Variants in PDE8A observed in about 807,000 individuals in gnomAD.
The protein encoded by PDE8A is high affinity cAMP-specific and IBMX-insensitive 3',5'-cyclic phosphodiesterase 8A.
Under a neutral mutation model 105.0 loss-of-function variants are expected in PDE8A, and 59 were observed. The ratio of observed to expected loss-of-function variants is 0.56; its 90% CI spans 0.46 to 0.70. The LOEUF (loss-of-function observed/expected upper bound fraction) is 0.70. Ranked by LOEUF, PDE8A falls within the 30% of genes least tolerant of loss-of-function variation. The pLI, the probability that PDE8A is intolerant of heterozygous loss-of-function variation, is 0.00. For synonymous variants in PDE8A, 355 were observed against 371.9 expected, an observed-to-expected ratio of 0.95 and a Z score of 0.52; for missense variants, 1,014 against 1,045.9, an observed-to-expected ratio of 0.97 and a Z score of 0.42.
At chr15:85,006,634 TTTC>T (rs2080152473) in intron 1 of PDE8A, among the ~76,000 whole-genome samples, 1 of 152,262 alleles carries the variant, frequency 6.6e-6, no homozygotes, top group African/African-American at 2.4e-5. Context: ...AAATAGAGTT[TTTC>T]TTCTTGTGTA....
chr15:85,051,700 G>A (rs895681232), intron 1 of PDE8A, among the ~76,000 whole-genome samples: 5 of 152,108 alleles, frequency 3.3e-5, no homozygotes, highest in Admixed American at 6.6e-5. Context: ...CTCCTGCTTA[G>A]AGAACACACA....
chr15:85,021,516 C>T (rs1282619267), intron 1 of PDE8A, among the ~76,000 whole-genome samples: 1 of 152,012 alleles, frequency 6.6e-6, no homozygotes, highest in Non-Finnish European at 1.5e-5. Flanking sequence ...TATGATCGTG[C>T]CACTGCACTC....
chr15:84,993,286 A>AC (rs1278800861), intron 1 of PDE8A, among the ~76,000 whole-genome samples: 1 of 151,942 alleles, frequency 6.6e-6, no homozygotes, highest in Non-Finnish European at 1.5e-5. Flanking sequence ...TTCTAAAAAT[A>AC]CAAAAAATTA....
chr15:85,074,784 T>G (rs1462966952), intron 3 of PDE8A, among the ~76,000 whole-genome samples: 1 of 152,242 alleles, frequency 6.6e-6, no homozygotes, highest in African/African-American at 2.4e-5. Context: ...AATTATTTTC[T>G]GGATTTTGTG....
chr15:84,984,100 T>G (rs923655999), intron 1 of PDE8A, among the ~76,000 whole-genome samples: 1 of 152,354 alleles, frequency 6.6e-6, no homozygotes, highest in East Asian at 1.9e-4. Context: ...GTTAACTGAT[T>G]GATGAAACTT....
At chr15:85,093,515 A>T (rs899774362) in intron 8 of PDE8A, among the ~76,000 whole-genome samples, 1 of 152,212 alleles carries the variant, frequency 6.6e-6, no homozygotes, top group Non-Finnish European at 1.5e-5. Context: ...CCAGATGGCT[A>T]GGAGTTGGGA....
intron 5 of PDE8A, among the ~76,000 whole-genome samples, chr15:85,077,107 T>A (rs1469528449): frequency 6.6e-6 from 1 of 152,246 alleles, no homozygotes; most frequent in Non-Finnish European, 1.5e-5. Flanking sequence ...TCATAGTCTC[T>A]CAAAACTATG....
intron 17 of PDE8A, chr15:85,120,371 T>C (rs1414962592): frequency 1.3e-5 from 2 of 152,618 alleles, no homozygotes; most frequent in Non-Finnish European, 2.9e-5. Flanking sequence ...CTGACAAAGA[T>C]AGCACTAAAA....
intron 1 of PDE8A, among the ~76,000 whole-genome samples, chr15:85,046,796 G>C (rs1406328579): frequency 6.6e-6 from 1 of 152,118 alleles, no homozygotes; most frequent in Non-Finnish European, 1.5e-5. Context: ...ATCAAGATTT[G>C]TAACATAATA....
chr15:85,100,725 G>C lies in PDE8A; in HGVS notation c.1036+527G>C, dbSNP rs145126053. Reference sequence around the variant, plus strand: ...TTCCTTCAAACGTGTCATGACTTCAGCAAGCCACTTCCTGTTCTGGCCCTC... The same window carrying C: ...TTCCTTCAAACGTGTCATGACTTCACCAAGCCACTTCCTGTTCTGGCCCTC... On this transcript the variant is annotated intron_variant, in intron 11 of 21. Transcript: ENST00000394553. Among the ~76,000 whole-genome samples the C allele has an allele frequency of 3.6e-3, 552 of 152,300 alleles. 8 individuals are homozygous for C. Among genetic ancestry groups the C allele is most frequent in the African/African-American group, 0.013 (521 of 41,580 alleles).
At chr15:85,117,139 C>A (rs531955275) in intron 16 of PDE8A, among the ~76,000 whole-genome samples, 12 of 152,294 alleles carry the variant, frequency 7.9e-5, no homozygotes, top group African/African-American at 2.9e-4. Context: ...ACGCCCACCT[C>A]CAGAAAGGTG....
At position 85,092,908 on chromosome 15, in the gene PDE8A, T is replaced by C. The variant is rs1470120179; in HGVS notation, c.852+1727T>C. Among the ~76,000 whole-genome samples, 8 of 132,888 alleles carry C rather than the reference T, an allele frequency of 6.0e-5. No individual in the cohort carries two copies. The Admixed American group carries it at 7.0e-4, about 12-fold the overall frequency. The allele number at this position is 132,888 out of a possible 152,430, so 87.2% of individuals were successfully genotyped here. ...GAAACATCATCAAATTATTGACCCC[T>C]ATACTGCTTTCCTTTTTTTTTTTTT... On this transcript the variant is annotated intron_variant, in intron 8 of 21. Transcript: ENST00000394553.
At chr15:85,065,550 C>A (rs1680859587) in intron 2 of PDE8A, among the ~76,000 whole-genome samples, 1 of 151,016 alleles carries the variant, frequency 6.6e-6, no homozygotes, top group African/African-American at 2.4e-5. Context: ...CGCACATGAA[C>A]ATGTTTCATT....
At chr15:85,071,590 G>A (rs1166509236) in intron 3 of PDE8A, among the ~76,000 whole-genome samples, 3 of 152,202 alleles carry the variant, frequency 2.0e-5, no homozygotes, top group Non-Finnish European at 4.4e-5. Context: ...CAGGAGCCCC[G>A]CTCTGCAGCA....
At position 85,054,117 on chromosome 15, in the gene PDE8A, C is replaced by T. The variant is rs55720132; in HGVS notation, c.187-10253C>T. 4.9e-3 allele frequency among the ~76,000 whole-genome samples: 740 copies of T among 152,186 alleles called. 3 individuals carry two copies. The highest frequency in any genetic ancestry group is 0.016 in the African/African-American group (672 of 41,520). ...TTGGTTCTGTTTATATGCTGGATTA[C>T]GTTTATTGGTTTTTGTATGTTGAAC... On this transcript the variant is annotated intron_variant, in intron 1 of 21. Transcript: ENST00000394553.
Position 85,138,026 on chromosome 15 carries a change from T to C in PDE8A, c.*123T>C. 1 of 618,978 alleles carries C rather than the reference T, an allele frequency of 1.6e-6. No individual in the cohort carries two copies. The highest frequency in any genetic ancestry group is 2.8e-5 in the East Asian group (1 of 35,980). The allele number at this position is 618,978 out of a possible 1,614,324, so 38.3% of individuals were successfully genotyped here. On this transcript the variant is annotated 3_prime_UTR_variant, in exon 22 of 22. Coordinates refer to ENST00000394553, the MANE Select transcript of PDE8A (RefSeq NM_002605.3). ...AACAGCCCCCGATCTGCATAGCCTG[T>C]GAAAGCCCACGGGGACATCAGTAAC...
chr15:85,131,851 T>C (rs2082334538), intron 20 of PDE8A, among the ~76,000 whole-genome samples: 3 of 152,194 alleles, frequency 2.0e-5, no homozygotes, highest in Admixed American at 1.3e-4. Context: ...TGCAGGACAG[T>C]TTGCCTGAAT....
At chr15:85,091,843 A>G (rs966020305) in intron 8 of PDE8A, among the ~76,000 whole-genome samples, 10 of 149,124 alleles carry the variant, frequency 6.7e-5, no homozygotes, top group African/African-American at 2.5e-4. Context: ...ATTTTAAAAT[A>G]TGATGAGAAG....
intron 1 of PDE8A, among the ~76,000 whole-genome samples, chr15:85,043,791 G>T (rs928168844): frequency 6.6e-6 from 1 of 151,910 alleles, no homozygotes; most frequent in Non-Finnish European, 1.5e-5. Flanking sequence ...TCTGCCTCCC[G>T]GGTTCAGGTG....
Sources: gnomAD v4.1 joint callset for allele counts (sites outside exome capture counted in the v4.1 genomes callset) on GRCh38, gnomAD v4.1.1 for gene constraint, MANE v1.5 for transcripts, NCBI Gene and HGNC (gene_info 2026-07-23, HGNC 2026-07-21) for gene names.